SNX33: variants seen among roughly 807,000 people sequenced by gnomAD.
SNX33 encodes the protein sorting nexin-33.
A neutral mutation model predicts 38.8 loss-of-function variants in SNX33; 19 were observed. The observed-to-expected ratio is 0.49, with a 90% CI of 0.34 to 0.72. The LOEUF is 0.72. Ranked by LOEUF, SNX33 falls within the 30% of genes least tolerant of loss-of-function variation. The pLI is 0.01. For synonymous variants in SNX33, 246 were observed against 289.7 expected, an observed-to-expected ratio of 0.85 and a Z score of 1.53; for missense variants, 641 against 776.4, an observed-to-expected ratio of 0.83 and a Z score of 2.07.
At position 75,654,534 on chromosome 15, in the gene SNX33, T is replaced by A. The variant is rs143396449; in HGVS notation, c.1472-2428T>A. Among the ~76,000 whole-genome samples the A allele has an allele frequency of 1.5e-3, 221 of 152,296 alleles. 2 individuals are homozygous for A. In the East Asian group the frequency reaches 0.034, roughly 23 times the overall value. On this transcript the variant is annotated intron_variant, in intron 1 of 1. Coordinates refer to ENST00000308527, the MANE Select transcript of SNX33 (RefSeq NM_153271.2). Reference sequence around the variant, plus strand: ...TCCCTGGGACTTGCAGCTGGTGGGCTCCAACCCTCCTTTCTGCATTTTTGG... The same window carrying A: ...TCCCTGGGACTTGCAGCTGGTGGGCACCAACCCTCCTTTCTGCATTTTTGG...
rs1893671722 is a variant in SNX33, at chr15:75,657,627, C to T, written c.*412C>T. ...CACCCAGGGCTGTGACATGCCTGCT[C>T]TTCAGGAGTCCTCAGTGAAGGTCGG... On this transcript the variant is annotated 3_prime_UTR_variant, in exon 2 of 2. Transcript: ENST00000308527. The surrounding 1 kb of genome is among the most constrained non-coding windows in gnomAD (Gnocchi z 5.5). The T allele has an allele frequency of 7.2e-6, 2 of 276,294 alleles. No individual in the cohort carries two copies. The highest frequency in any genetic ancestry group is 4.6e-5 in the South Asian group (1 of 21,658). 17.1% of individuals were successfully genotyped at this position (276,294 alleles called of 1,614,324 possible). A position where few individuals can be genotyped will look rare whatever the true frequency, so the allele number is the denominator to read the frequency against.
chr15:75,657,439 C>A lies in SNX33; in HGVS notation c.*224C>A. On this transcript the variant is annotated 3_prime_UTR_variant, in exon 2 of 2. Coordinates refer to ENST00000308527, the MANE Select transcript of SNX33 (RefSeq NM_153271.2). The surrounding 1 kb of genome is among the most constrained non-coding windows in gnomAD (Gnocchi z 5.5). ...GGCACAGCAGGGGTGAGAATAGAGT[C>A]AGGAGCCCTCGAGGCCAAGGCCTGG... 1.4e-6 allele frequency: 1 copy of A among 726,376 alleles called. No homozygotes were observed. Among genetic ancestry groups the A allele is most frequent in the Non-Finnish European group, 2.2e-6 (1 of 456,318 alleles). 45.0% of individuals were successfully genotyped at this position (726,376 alleles called of 1,614,324 possible).
rs753473468 is a variant in SNX33, at chr15:75,658,609, A to T, written c.*1394A>T. 1.3e-5 allele frequency: 2 copies of T among 152,522 alleles called. No homozygotes were observed. The highest frequency in any genetic ancestry group is 4.8e-5 in the African/African-American group (2 of 41,410). 9.4% of individuals were successfully genotyped at this position (152,522 alleles called of 1,614,324 possible). On this transcript the variant is annotated 3_prime_UTR_variant, in exon 2 of 2. Transcript: ENST00000308527. The surrounding 1 kb of genome is among the most constrained non-coding windows in gnomAD (Gnocchi z 4.1). ...GCTGCTCCTTGAATCTTTTTTCTTG[A>T]TAAACCTTTTACAATTAAGATAACA...
At position 75,649,742 on chromosome 15, in the gene SNX33, A is replaced by G. The variant is rs767623354; in HGVS notation, c.640A>G (p.Ile214Val). The change falls in exon 1 of 2, where the codon ATT becomes GTT. Residue 214 changes from isoleucine to valine, a missense_variant. Coordinates refer to ENST00000308527, the MANE Select transcript of SNX33 (RefSeq NM_153271.2). This position sits in a 1 kb window ranked among gnomAD's most constrained non-coding sequence, Gnocchi z 6.6. ...MMAKIAETYS[I>V]EMGPRGPQWK... Reference sequence around the variant, plus strand: ...GGCCAAGATCGCTGAGACATACTCCATTGAAATGGGCCCTCGTGGCCCCCA... The same window carrying G: ...GGCCAAGATCGCTGAGACATACTCCGTTGAAATGGGCCCTCGTGGCCCCCA... 6.5e-7 allele frequency: 1 copy of G among 1,531,246 alleles called. No homozygotes were observed. Among genetic ancestry groups the G allele is most frequent in the Non-Finnish European group, 8.8e-7 (1 of 1,136,940 alleles). 94.9% of individuals were successfully genotyped at this position (1,531,246 alleles called of 1,614,324 possible). A position where few individuals can be genotyped will look rare whatever the true frequency, so the allele number is the denominator to read the frequency against.
chr15:75,656,834 A>G (rs961318546), intron 1 of SNX33, 128 bp from the exon 2 acceptor site: 1 of 1,416,630 alleles, frequency 7.1e-7, no homozygotes, highest in African/African-American at 1.4e-5. Context: ...AGGTGGCTGG[A>G]ATGTGGGTCT....
At chr15:75,654,800 C>T (rs62027227) in intron 1 of SNX33, among the ~76,000 whole-genome samples, 13,803 of 152,192 alleles carry the variant, frequency 0.091, 709 homozygotes, top group South Asian at 0.18. Context: ...GCCTTTGCTC[C>T]CCATCCCTGG....
chr15:75,651,818 G>C (rs1893583748), intron 1 of SNX33, among the ~76,000 whole-genome samples: 1 of 152,208 alleles, frequency 6.6e-6, no homozygotes, highest in African/African-American at 2.4e-5. Context: ...TTTGACTCTG[G>C]GTGGGGCCAG....
intron 1 of SNX33, among the ~76,000 whole-genome samples, chr15:75,651,766 C>G (rs1305444166): frequency 6.6e-6 from 1 of 152,224 alleles, no homozygotes; most frequent in Non-Finnish European, 1.5e-5. Flanking sequence ...AGCTGGCTCC[C>G]TGGCCCTTGG....
At chr15:75,655,928 C>T (rs1893648168) in intron 1 of SNX33, among the ~76,000 whole-genome samples, 1 of 152,170 alleles carries the variant, frequency 6.6e-6, no homozygotes, top group African/African-American at 2.4e-5. Context: ...AGCAACTGTC[C>T]CCACTGGCTT....
Position 75,658,797 on chromosome 15 carries a change from G to C in SNX33, c.*1582G>C, listed in dbSNP as rs1191749038. 1 of 152,182 alleles carries C rather than the reference G, an allele frequency of 6.6e-6. No homozygotes were observed. Among genetic ancestry groups the C allele is most frequent in the Non-Finnish European group, 1.5e-5 (1 of 68,060 alleles). The allele number at this position is 152,182 out of a possible 1,614,324, so 9.4% of individuals were successfully genotyped here. A position where few individuals can be genotyped will look rare whatever the true frequency, so the allele number is the denominator to read the frequency against. ...CAGGGGAGGGCTATGCTGGTGGAAG[G>C]TGCCAGCAGGCAGGAGGAGCTAGAG... On this transcript the variant is annotated 3_prime_UTR_variant, in exon 2 of 2. Transcript: ENST00000308527. This position sits in a 1 kb window ranked among gnomAD's most constrained non-coding sequence, Gnocchi z 4.1.
intron 1 of SNX33, among the ~76,000 whole-genome samples, chr15:75,653,494 G>A (rs945207727): frequency 1.3e-5 from 2 of 152,088 alleles, no homozygotes; most frequent in African/African-American, 4.8e-5. Context: ...TTTTACAGAC[G>A]AGGTGCAGCG....
Position 75,649,760 on chromosome 15 carries a change from G to C in SNX33, c.658G>C (p.Gly220Arg). 6.6e-7 allele frequency: 1 copy of C among 1,523,120 alleles called. No individual in the cohort carries two copies. 94.4% of individuals were successfully genotyped at this position (1,523,120 alleles called of 1,614,324 possible). The change falls in exon 1 of 2, where the codon GGC becomes CGC. Residue 220 changes from glycine (G) to arginine (R), a missense_variant. By Grantham distance (125) the Gly-to-Arg change is moderately radical (BLOSUM62 -2). Coordinates refer to ENST00000308527, the MANE Select transcript of SNX33 (RefSeq NM_153271.2). This position sits in a 1 kb window ranked among gnomAD's most constrained non-coding sequence, Gnocchi z 6.6. ...ATACTCCATTGAAATGGGCCCTCGT[G>C]GCCCCCAGTGGAAGGCCAATCCCCA... is the stretch of plus-strand genomic sequence containing the variant. ...ETYSIEMGPR[G>R]PQWKANPHPF...
In SNX33 at chr15:75,657,635, G is replaced by T. The variant is rs1893671777; in HGVS notation, c.*420G>T. ...GCTGTGACATGCCTGCTCTTCAGGAGTCCTCAGTGAAGGTCGGGGTCAGAC... is the reference window on the plus strand; with the variant it reads ...GCTGTGACATGCCTGCTCTTCAGGATTCCTCAGTGAAGGTCGGGGTCAGAC... On this transcript the variant is annotated 3_prime_UTR_variant, in exon 2 of 2. Transcript: ENST00000308527. This position sits in a 1 kb window ranked among gnomAD's most constrained non-coding sequence, Gnocchi z 5.5. 3.7e-6 allele frequency: 1 copy of T among 270,720 alleles called. No individual in the cohort carries two copies. The highest frequency in any genetic ancestry group is 4.7e-5 in the Admixed American group (1 of 21,224). The allele number at this position is 270,720 out of a possible 1,614,324, so 16.8% of individuals were successfully genotyped here. A position where few individuals can be genotyped will look rare whatever the true frequency, so the allele number is the denominator to read the frequency against.
In SNX33 at chr15:75,648,038, C is replaced by G. The variant is rs62027226; in HGVS notation, c.-1065C>G. ...CCCGCAGGGCGGAGAGGAGGACGGA[C>G]GGACAGACGGCTGGCCGCGCCATCT... On this transcript the variant is annotated 5_prime_UTR_variant, in exon 1 of 2. Coordinates refer to ENST00000308527, the MANE Select transcript of SNX33 (RefSeq NM_153271.2). The surrounding 1 kb of genome is among the most constrained non-coding windows in gnomAD (Gnocchi z 4.4). 5 of 985,376 alleles carry G rather than the reference C, an allele frequency of 5.1e-6. No individual in the cohort carries two copies. The African/African-American group carries it at 8.7e-5, about 17-fold the overall frequency. The allele number at this position is 985,376 out of a possible 1,614,324, so 61.0% of individuals were successfully genotyped here.
chr15:75,653,703 A>G (rs1893613699), intron 1 of SNX33, among the ~76,000 whole-genome samples: 1 of 152,100 alleles, frequency 6.6e-6, no homozygotes, highest in South Asian at 2.1e-4. Context: ...AGGACCACAG[A>G]GCTTCCATGG....
rs763595271 is a variant in SNX33 at position 75,649,128 on chromosome 15, A to G, written c.26A>G (p.Tyr9Cys). MALKGRAL[Y>C]DFHSENKEEI... Reference sequence around the variant, plus strand: ...ATGGCACTGAAAGGCCGAGCCCTCTATGACTTTCACAGTGAGAACAAGGAG... The same window carrying G: ...ATGGCACTGAAAGGCCGAGCCCTCTGTGACTTTCACAGTGAGAACAAGGAG... The change falls in exon 1 of 2, where the codon TAT becomes TGT. Residue 9 changes from tyrosine to cysteine, a missense_variant. This residue lies in a region of SNX33 where 243 missense variants were observed against 233.9 expected (regional missense o/e 1.04). Coordinates refer to ENST00000308527, the MANE Select transcript of SNX33 (RefSeq NM_153271.2). This position sits in a 1 kb window ranked among gnomAD's most constrained non-coding sequence, Gnocchi z 6.6. The G allele has an allele frequency of 1.9e-6, 3 of 1,606,772 alleles. No homozygotes were observed. The highest frequency in any genetic ancestry group is 2.6e-6 in the Non-Finnish European group (3 of 1,175,260).
intron 1 of SNX33, among the ~76,000 whole-genome samples, chr15:75,653,248 C>T (rs776142529): frequency 1.6e-4 from 25 of 152,218 alleles, no homozygotes; most frequent in Non-Finnish European, 2.9e-4. Context: ...GGTCCTCCCA[C>T]GGGCCTAGTC....
chr15:75,648,206 A>C lies in SNX33; in HGVS notation c.-897A>C, dbSNP rs78696025. ...GGACGGGGTTCCTGGGATTCAGAGC[A>C]GGGTCAGCGTCAGGCTCAGAAACTG... On this transcript the variant is annotated 5_prime_UTR_variant, in exon 1 of 2. Coordinates refer to ENST00000308527, the MANE Select transcript of SNX33 (RefSeq NM_153271.2). The surrounding 1 kb of genome is among the most constrained non-coding windows in gnomAD (Gnocchi z 4.4). 1.4e-3 allele frequency: 1,391 copies of C among 985,512 alleles called. 50 individuals are homozygous for C. In the East Asian group the frequency reaches 0.097, roughly 69 times the overall value. The allele number at this position is 985,512 out of a possible 1,614,324, so 61.0% of individuals were successfully genotyped here. A position where few individuals can be genotyped will look rare whatever the true frequency, so the allele number is the denominator to read the frequency against.
rs776642640 is a variant in SNX33, at chr15:75,650,768, A to AG, written c.1471+197dup. On this transcript the variant is annotated intron_variant, in intron 1 of 1. Transcript: ENST00000308527. The surrounding 1 kb of genome is among the most constrained non-coding windows in gnomAD (Gnocchi z 6.1). ...CAGCACTTTGGGAGGTTGAAGTAGG[A>AG]GGATCACTTGGGCCCAGGAGGTTGA... Among the ~76,000 whole-genome samples, 2 of 152,176 alleles carry AG rather than the reference A, an allele frequency of 1.3e-5. No individual in the cohort carries two copies. Among genetic ancestry groups the AG allele is most frequent in the Non-Finnish European group, 2.9e-5 (2 of 68,040 alleles).
Sources: allele counts gnomAD v4.1 joint callset (sites outside exome capture counted in the v4.1 genomes callset), GRCh38; gene constraint gnomAD v4.1.1; regional missense constraint gnomAD v4.1.1; non-coding constraint Gnocchi (gnomAD v3.1); transcripts MANE v1.5; gene names NCBI Gene and HGNC (gene_info 2026-07-23, HGNC 2026-07-21).